The following LATS2 variants were observed in gnomAD, a reference collection of about 807,000 sequenced individuals.
LATS2 encodes serine/threonine-protein kinase LATS2.
Under a neutral mutation model 76.0 loss-of-function variants are expected in LATS2, and 24 were observed. The ratio of observed to expected loss-of-function variants is 0.32; its 90% CI spans 0.23 to 0.44. The LOEUF (loss-of-function observed/expected upper bound fraction) is 0.44, where lower values mean the gene tolerates loss of function less well. Among genes scored for constraint, LATS2 ranks in the 20% least tolerant of loss-of-function variants. The probability of loss-of-function intolerance (pLI) is 1.00; values close to 1 mark genes in which losing one functional copy is unlikely to be tolerated. For missense variants in LATS2, 1,286 were observed against 1,481.2 expected, an observed-to-expected ratio of 0.87 and a Z score of 2.16; for synonymous variants, 692 against 635.4, an observed-to-expected ratio of 1.09 and a Z score of -1.34.
chr13:21,011,264 A>T (rs1871581750), intron 2 of LATS2, among the ~76,000 whole-genome samples: 1 of 152,260 alleles, frequency 6.6e-6, no homozygotes, highest in Admixed American at 6.5e-5. Flanking sequence ...ACTAGCTACT[A>T]AAGAAGGTGA....
intron 1 of LATS2, among the ~76,000 whole-genome samples, chr13:21,046,441 C>T (rs997812613): frequency 3.9e-5 from 6 of 152,282 alleles, no homozygotes; most frequent in Admixed American, 2.0e-4. Flanking sequence ...TCCTGTAATA[C>T]GTAATCTGCA....
At chr13:21,042,802 C>T (rs927871406) in intron 2 of LATS2, among the ~76,000 whole-genome samples, 2 of 150,112 alleles carry the variant, frequency 1.3e-5, no homozygotes, top group African/African-American at 4.9e-5. Context: ...TCCTGGCTAA[C>T]ACGAAACCCG....
intron 2 of LATS2, among the ~76,000 whole-genome samples, chr13:21,014,426 C>T (rs1458107936): frequency 1.3e-5 from 2 of 152,322 alleles, no homozygotes; most frequent in East Asian, 3.9e-4. Flanking sequence ...CGTGGTTTGG[C>T]TTAGCTGATC....
intron 4 of LATS2, among the ~76,000 whole-genome samples, chr13:20,986,409 C>G (rs1052909028): frequency 6.6e-6 from 1 of 152,108 alleles, no homozygotes; most frequent in Non-Finnish European, 1.5e-5. Context: ...AAAATGTGGT[C>G]TGTGTACACC....
At chr13:20,992,250 T>C (rs181121166) in intron 2 of LATS2, among the ~76,000 whole-genome samples, 134 of 151,450 alleles carry the variant, frequency 8.8e-4, no homozygotes, top group African/African-American at 3.2e-3. Flanking sequence ...CACGCAAGGG[T>C]AGGTGGAGAT....
chr13:21,028,042 T>C (rs1479901678), intron 2 of LATS2, among the ~76,000 whole-genome samples: 1 of 152,142 alleles, frequency 6.6e-6, no homozygotes, highest in African/African-American at 2.4e-5. Flanking sequence ...AACTCGTCAT[T>C]TAGCATTAGG....
intron 1 of LATS2, among the ~76,000 whole-genome samples, chr13:21,055,152 T>C (rs1426160455): frequency 6.6e-6 from 1 of 152,200 alleles, no homozygotes; most frequent in Non-Finnish European, 1.5e-5. Flanking sequence ...TTATGAACTT[T>C]TGAAAGAATT....
intron 2 of LATS2, among the ~76,000 whole-genome samples, chr13:20,997,926 G>A (rs574253095): frequency 6.6e-6 from 1 of 152,340 alleles, no homozygotes; most frequent in East Asian, 1.9e-4. Flanking sequence ...TGGTAAGGAA[G>A]CATTTTTCAA....
chr13:21,009,578 T>C (rs987765737), intron 2 of LATS2, among the ~76,000 whole-genome samples: 1 of 152,232 alleles, frequency 6.6e-6, no homozygotes, highest in Non-Finnish European at 1.5e-5. Flanking sequence ...GATTTCCAGG[T>C]ATATGTGGTG....
intron 6 of LATS2, among the ~76,000 whole-genome samples, chr13:20,980,307 C>T (rs1309430003): frequency 6.6e-5 from 10 of 152,192 alleles, no homozygotes; most frequent in African/African-American, 2.4e-4. Context: ...CCTACGGAGC[C>T]GGGCCTTCCT....
Position 21,045,929 on chromosome 13 carries a change from G to A in LATS2, c.98C>T (p.Ser33Leu), listed in dbSNP as rs139154828. Residue 33 changes from serine to leucine, a missense_variant, in exon 2 of 8, where the codon TCG (serine) becomes TTG (leucine). By Grantham distance (145) the Ser-to-Leu change is moderately radical. Coordinates refer to ENST00000382592, the MANE Select transcript of LATS2 (RefSeq NM_014572.3). Reference protein sequence around the residue: ...REGLKQPSKSSVQGLPAGPNS... With the variant: ...REGLKQPSKSLVQGLPAGPNS... ...TGGTCCTGCGGGTAGCCCCTGAACC[G>A]AAGACTTGGATGGCTGTTTTAACCC... The A allele has an allele frequency of 3.7e-6, 6 of 1,614,146 alleles. No individual in the cohort carries two copies. The highest frequency in any genetic ancestry group is 2.2e-5 in the East Asian group (1 of 44,878).
At chr13:21,056,441 CA>C (rs1873453529) in intron 1 of LATS2, among the ~76,000 whole-genome samples, 2 of 152,064 alleles carry the variant, frequency 1.3e-5, no homozygotes, top group African/African-American at 4.8e-5. Context: ...ATACATTATG[CA>C]AATATAAATG....
chr13:21,056,696 T>G (rs1595261404), intron 1 of LATS2, among the ~76,000 whole-genome samples: 1 of 152,128 alleles, frequency 6.6e-6, no homozygotes, highest in East Asian at 1.9e-4. Context: ...CCCTCCCATT[T>G]GAGAATCACT....
At chr13:20,981,419 G>C in intron 6 of LATS2, 47 bp downstream of exon 6, 3 of 1,561,348 alleles carry the variant, frequency 1.9e-6, no homozygotes, top group Non-Finnish European at 2.6e-6. Context: ...GCTCACGTCT[G>C]AAGGGAAGGA....
chr13:21,049,732 C>A (rs76635422), intron 1 of LATS2, among the ~76,000 whole-genome samples: 5,493 of 152,248 alleles, frequency 0.036, 352 homozygotes, highest in African/African-American at 0.12. Context: ...TGTCCTCTCC[C>A]CCATCACATG....
chr13:20,994,777 A>G (rs1210106944), intron 2 of LATS2, among the ~76,000 whole-genome samples: 3 of 151,898 alleles, frequency 2.0e-5, no homozygotes, highest in Non-Finnish European at 1.5e-5. Flanking sequence ...AATCCCAGCT[A>G]CTGAAGAGGT....
At chr13:21,059,448 T>C (rs1021970156) in intron 1 of LATS2, among the ~76,000 whole-genome samples, 30 of 151,624 alleles carry the variant, frequency 2.0e-4, no homozygotes, top group African/African-American at 7.0e-4. Flanking sequence ...ATACAAAAAA[T>C]TAGCCGGGCG....
intron 1 of LATS2, among the ~76,000 whole-genome samples, chr13:21,047,979 T>C (rs1335860062): frequency 6.6e-6 from 1 of 152,124 alleles, no homozygotes; most frequent in Admixed American, 6.5e-5. Flanking sequence ...TAATACACAA[T>C]ATAATATAGT....
intron 2 of LATS2, among the ~76,000 whole-genome samples, chr13:21,004,843 C>T (rs764794905): frequency 2.2e-4 from 33 of 152,294 alleles, no homozygotes; most frequent in South Asian, 8.3e-4. Flanking sequence ...ACAACAGGTA[C>T]ACTAAAATTT....
Sources: gnomAD v4.1 joint callset for allele counts (sites outside exome capture counted in the v4.1 genomes callset) on GRCh38, gnomAD v4.1.1 for gene constraint, MANE v1.5 for transcripts, NCBI Gene and HGNC (gene_info 2026-07-23, HGNC 2026-07-21) for gene names.